MCMBP: variants seen among roughly 807,000 people sequenced by gnomAD.
The protein encoded by MCMBP is minichromosome maintenance complex binding protein, also known as mini-chromosome maintenance complex-binding protein.
A neutral mutation model predicts 81.3 loss-of-function variants in MCMBP; 31 were observed. That is an observed-to-expected ratio of 0.38 (90% CI 0.29 to 0.51). MCMBP has a LOEUF of 0.51. Ranked by LOEUF, MCMBP falls within the 20% of genes least tolerant of loss-of-function variation. The pLI, the probability that MCMBP is intolerant of heterozygous loss-of-function variation, is 0.87. For missense variants in MCMBP, 645 were observed against 772.1 expected (o/e 0.84, Z 1.95); for synonymous variants, 267 against 275.9 (o/e 0.97, Z 0.32).
chr10:119,857,681 T>A (rs796912331), intron 4 of MCMBP: 7 of 321,448 alleles, frequency 2.2e-5, no homozygotes, highest in African/African-American at 1.5e-4. Context: ...GAGTGACTTA[T>A]AATCTGGGTC....
rs181064607 is a variant in MCMBP at position 119,858,905 on chromosome 10, A to G, written c.306T>C (p.Tyr102=). The G allele has an allele frequency of 9.9e-5, 159 of 1,611,490 alleles. No individual in the cohort carries two copies. The East Asian group carries it at 1.5e-3, about 15-fold the overall frequency. The part of the protein sequence containing the change: ...TKAHVLHFGK[Y]RDVAECGPQQ... The stretch of plus-strand genomic sequence containing the variant: ...ATACCCCACACTCTGCTACATCTCT[A>G]TATTTTCCAAAATGAAGAACCTATG... The change falls in exon 4 of 16, where the codon TAT becomes TAC. Residue 102 remains tyrosine, a synonymous_variant. Coordinates refer to ENST00000369077, the MANE Select transcript of MCMBP (RefSeq NM_001256378.2).
intron 3 of MCMBP, 34 bp downstream of exon 3, chr10:119,859,007 A>G (rs1323777615): frequency 6.2e-7 from 1 of 1,611,648 alleles, no homozygotes; most frequent in East Asian, 2.2e-5. Context: ...GGACAAAATT[A>G]ATACCACAAA....
intron 1 of MCMBP, among the ~76,000 whole-genome samples, chr10:119,864,116 T>C (rs1292082041): frequency 2.6e-5 from 4 of 152,180 alleles, no homozygotes; most frequent in Admixed American, 6.5e-5. Context: ...ACTCGACTTG[T>C]TGTCTTTGAA....
chr10:119,837,901 G>A (rs929540680), intron 12 of MCMBP, among the ~76,000 whole-genome samples: 1 of 152,130 alleles, frequency 6.6e-6, no homozygotes, highest in Non-Finnish European at 1.5e-5. Flanking sequence ...GGCAGGTGCA[G>A]TGGCTCACAC....
Position 119,840,877 on chromosome 10 carries a change from T to C in MCMBP, c.1208A>G (p.His403Arg). Residue 403 changes from histidine to arginine, a missense_variant, in exon 11 of 16, where the codon CAC becomes CGC. By Grantham distance (29) the His-to-Arg change is conservative. Transcript: ENST00000369077. ...GCPRNSTFTE[H>R]LYRIIQHLVP... Reference sequence around the variant, plus strand: ...AAGATGTTGAATAATTCGATACAAGTGTTCTGTGAAGGTACTATTCCGTGG... The same window carrying C: ...AAGATGTTGAATAATTCGATACAAGCGTTCTGTGAAGGTACTATTCCGTGG... The C allele has an allele frequency of 1.2e-6, 2 of 1,606,996 alleles. No individual in the cohort carries two copies. The highest frequency in any genetic ancestry group is 1.7e-4 in the Middle Eastern group (1 of 6,044).
chr10:119,842,729 G>T, intron 9 of MCMBP, 134 bp from the exon 10 acceptor site: 1 of 902,246 alleles, frequency 1.1e-6, no homozygotes, highest in Non-Finnish European at 1.6e-6. Context: ...CCGTCAGTAA[G>T]TGATGCTAAT....
chr10:119,832,236 C>A, intron 14 of MCMBP, 136 bp from the exon 15 acceptor site: 1 of 569,854 alleles, frequency 1.8e-6, no homozygotes, highest in Non-Finnish European at 3.0e-6. Flanking sequence ...AGTACCAAAG[C>A]ATATACATAC....
chr10:119,838,240 T>C lies in MCMBP; in HGVS notation c.1408+295A>G, dbSNP rs1021344191. On this transcript the variant is annotated intron_variant, in intron 12 of 15. Coordinates refer to ENST00000369077, the MANE Select transcript of MCMBP (RefSeq NM_001256378.2). ...ATTATATAATATATAAAATATATAA[T>C]ATATGATATATATTAAATGAGACAT... 4.4e-4 allele frequency among the ~76,000 whole-genome samples: 65 copies of C among 148,198 alleles called. 1 individual carries two copies. Among genetic ancestry groups the C allele is most frequent in the African/African-American group, 1.5e-3 (63 of 40,822 alleles).
At chr10:119,870,460 A>G (rs542669562) in intron 1 of MCMBP, among the ~76,000 whole-genome samples, 32 of 152,160 alleles carry the variant, frequency 2.1e-4, no homozygotes, top group African/African-American at 7.2e-4. Context: ...AAAAAAATGC[A>G]TATTTCAAAA....
intron 1 of MCMBP, among the ~76,000 whole-genome samples, chr10:119,867,893 G>T (rs2134410436): frequency 6.6e-6 from 1 of 152,148 alleles, no homozygotes; most frequent in East Asian, 1.9e-4. Flanking sequence ...AGACAATAAG[G>T]GCACAGATTG....
In MCMBP at chr10:119,859,163, C is replaced by T. The variant is rs1301748472; in HGVS notation, c.163G>A (p.Val55Ile). The T allele has an allele frequency of 6.2e-7, 1 of 1,613,444 alleles. No homozygotes were observed. The highest frequency in any genetic ancestry group is 1.3e-5 in the African/African-American group (1 of 74,842). Reference sequence around the variant, plus strand: ...TTAGGTTTCAAATAATGAAGGGGAACTTCGTTCAGTGATGGTACCTTAAAG... The same window carrying T: ...TTAGGTTTCAAATAATGAAGGGGAATTTCGTTCAGTGATGGTACCTTAAAG... ...APKWVPSLNE[V>I]PLHYLKPNSF... The change falls in exon 3 of 16, where the codon GTT (valine) becomes ATT (isoleucine). Residue 55 changes from valine to isoleucine, a missense_variant. Val to Ile is a conservative substitution (Grantham distance 29). Coordinates refer to ENST00000369077, the MANE Select transcript of MCMBP (RefSeq NM_001256378.2).
intron 10 of MCMBP, 137 bp from the exon 11 acceptor site, chr10:119,841,097 A>G (rs1448983627): frequency 1.5e-6 from 1 of 650,248 alleles, no homozygotes; most frequent in South Asian, 1.8e-5. Flanking sequence ...TTTTATCAGA[A>G]TAACAGCAAT....
chr10:119,866,896 G>C (rs1853477458), intron 1 of MCMBP, among the ~76,000 whole-genome samples: 1 of 152,136 alleles, frequency 6.6e-6, no homozygotes, highest in Non-Finnish European at 1.5e-5. Context: ...CTGGGAGGTA[G>C]AGGTTGCAGT....
chr10:119,872,771 G>A lies in MCMBP; in HGVS notation c.-187C>T, dbSNP rs1273345042. The A allele has an allele frequency of 5.5e-6, 1 of 180,206 alleles. No individual in the cohort carries two copies. The highest frequency in any genetic ancestry group is 1.1e-5 in the Non-Finnish European group (1 of 88,122). The allele number at this position is 180,206 out of a possible 1,614,324, so 11.2% of individuals were successfully genotyped here. A position where few individuals can be genotyped will look rare whatever the true frequency, so the allele number is the denominator to read the frequency against. Reference sequence around the variant, plus strand: ...CGCGCCTCAGGGAGCGGCGGCTGCGGTGGGGCCGCCGAGGAGCTGCTGGCG... The same window carrying A: ...CGCGCCTCAGGGAGCGGCGGCTGCGATGGGGCCGCCGAGGAGCTGCTGGCG... On this transcript the variant is annotated 5_prime_UTR_variant, in exon 1 of 16. Transcript: ENST00000369077.
Position 119,831,996 on chromosome 10 carries a change from G to C in MCMBP, c.1796+16C>G, listed in dbSNP as rs752539774. On this transcript the variant is annotated intron_variant, in intron 15 of 15. Coordinates refer to ENST00000369077, the MANE Select transcript of MCMBP (RefSeq NM_001256378.2). ...CAAGCTTACCGAAACAGCAATAATG[G>C]ACGTGCGCCACTTACCGAGCCACCA... 37 of 1,602,112 alleles carry C rather than the reference G, an allele frequency of 2.3e-5. No homozygotes were observed. The highest frequency in any genetic ancestry group is 3.5e-5 in the Admixed American group (2 of 57,218).
intron 4 of MCMBP, chr10:119,857,702 C>T (rs1853102349): frequency 3.8e-6 from 1 of 260,382 alleles, no homozygotes; most frequent in Admixed American, 5.0e-5. Context: ...TAGTTCTCTG[C>T]TTTGTGGATC....
At chr10:119,862,199 T>C (rs949455317) in intron 1 of MCMBP, among the ~76,000 whole-genome samples, 4 of 152,034 alleles carry the variant, frequency 2.6e-5, no homozygotes, top group African/African-American at 9.7e-5. Context: ...CCCAGCTACT[T>C]GGGAGGCTGA....
rs111483090 is a variant in MCMBP, at chr10:119,870,729, C to T, written c.58+1798G>A. ...TTATCACACAAACATACTTGTAATG[C>T]TGTTATAATAAAGATATGCAATACA... On this transcript the variant is annotated intron_variant, in intron 1 of 15. Transcript: ENST00000369077. Among the ~76,000 whole-genome samples the T allele has an allele frequency of 2.8e-3, 428 of 152,238 alleles. 3 individuals are homozygous for T. The highest frequency in any genetic ancestry group is 9.8e-3 in the African/African-American group (405 of 41,534).
intron 1 of MCMBP, among the ~76,000 whole-genome samples, chr10:119,864,741 CTT>C (rs1003132503): frequency 6.6e-6 from 1 of 151,660 alleles, no homozygotes; most frequent in Non-Finnish European, 1.5e-5. Context: ...AAATTATTCA[CTT>C]GAGACCTTCT....
Sources: allele counts gnomAD v4.1 joint callset (sites outside exome capture counted in the v4.1 genomes callset), GRCh38; gene constraint gnomAD v4.1.1; transcripts MANE v1.5; gene names NCBI Gene and HGNC (gene_info 2026-07-23, HGNC 2026-07-21).